Variants in CSNK2A2IP observed in about 807,000 individuals in gnomAD.
CSNK2A2IP encodes the protein casein kinase 2 subunit alpha' interacting protein, also known as casein kinase II subunit alpha'-interacting protein.
chr3:88,423,557 T>G, the CSNK2A2IP span, among the ~76,000 whole-genome samples: 1 of 152,074 alleles, frequency 6.6e-6, no homozygotes, highest in Admixed American at 6.6e-5. Context: ...CCTTGTAGCA[T>G]GGAAAAAGCC....
chr3:88,383,478 A>C, the CSNK2A2IP span, among the ~76,000 whole-genome samples: 1 of 152,144 alleles, frequency 6.6e-6, no homozygotes, highest in African/African-American at 2.4e-5. Context: ...GTGCAGAGTC[A>C]AGTCTTCATT....
At chr3:88,435,934 T>C in the CSNK2A2IP span, among the ~76,000 whole-genome samples, 1 of 98,608 alleles carries the variant, frequency 1.0e-5, no homozygotes, top group South Asian at 2.9e-4. Context: ...ACATTATGTG[T>C]GCATTATATA....
At chr3:88,427,239 A>T in the CSNK2A2IP span, among the ~76,000 whole-genome samples, 10 of 152,342 alleles carry the variant, frequency 6.6e-5, no homozygotes, top group African/African-American at 2.4e-4. Context: ...CCCTTGCCCT[A>T]GAGATCTGTG....
chr3:88,354,935 A>G, the CSNK2A2IP span, among the ~76,000 whole-genome samples: 1 of 152,184 alleles, frequency 6.6e-6, no homozygotes, highest in African/African-American at 2.4e-5. Flanking sequence ...GGGCTACTAC[A>G]TAAAGCAAAG....
At chr3:88,414,500 C>G in the CSNK2A2IP span, among the ~76,000 whole-genome samples, 1 of 151,732 alleles carries the variant, frequency 6.6e-6, no homozygotes, top group Non-Finnish European at 1.5e-5. Context: ...CCAGGCTGCT[C>G]TCGATCTCCT....
the CSNK2A2IP span, among the ~76,000 whole-genome samples, chr3:88,462,260 A>G: frequency 1.4e-4 from 21 of 152,178 alleles, no homozygotes; most frequent in East Asian, 3.1e-3. Context: ...GCTCTGTTTA[A>G]GAAATCTTTG....
chr3:88,381,110 G>C, the CSNK2A2IP span, among the ~76,000 whole-genome samples: 2 of 152,190 alleles, frequency 1.3e-5, no homozygotes, highest in African/African-American at 4.8e-5. Flanking sequence ...TCAGTGGCTT[G>C]CACTTATGCC....
the CSNK2A2IP span, among the ~76,000 whole-genome samples, chr3:88,418,180 T>C: frequency 4.4e-4 from 67 of 152,270 alleles, no homozygotes; most frequent in African/African-American, 1.5e-3. Context: ...AATCAGAATT[T>C]ATTGGTAATT....
At chr3:88,365,701 A>G in the CSNK2A2IP span, among the ~76,000 whole-genome samples, 18 of 152,108 alleles carry the variant, frequency 1.2e-4, no homozygotes, top group Non-Finnish European at 2.5e-4. Flanking sequence ...TTCCTTCACC[A>G]GTGATAGAGA....
At chr3:88,449,243 A>T in the CSNK2A2IP span, among the ~76,000 whole-genome samples, 8 of 152,100 alleles carry the variant, frequency 5.3e-5, no homozygotes, top group African/African-American at 1.9e-4. Context: ...TTTTCCTTTT[A>T]TTTACATATA....
the CSNK2A2IP span, among the ~76,000 whole-genome samples, chr3:88,394,055 G>T: frequency 3.3e-5 from 5 of 152,240 alleles, no homozygotes; most frequent in Admixed American, 6.5e-5. Context: ...GAGGGATATG[G>T]TGTTCTCAGT....
the CSNK2A2IP span, among the ~76,000 whole-genome samples, chr3:88,341,142 T>C: frequency 1.3e-5 from 2 of 151,966 alleles, no homozygotes; most frequent in African/African-American, 2.4e-5. Context: ...AATTTATAAG[T>C]ATTTGAAGAC....
the CSNK2A2IP span, among the ~76,000 whole-genome samples, chr3:88,350,396 A>G: frequency 2.6e-5 from 4 of 152,122 alleles, no homozygotes; most frequent in East Asian, 1.9e-4. Flanking sequence ...TGGCTCAACT[A>G]CAAGTATAAT....
At chr3:88,347,589 T>G in the CSNK2A2IP span, among the ~76,000 whole-genome samples, 1 of 152,024 alleles carries the variant, frequency 6.6e-6, no homozygotes, top group African/African-American at 2.4e-5. Context: ...TATGTACACT[T>G]TTCTAGACAT....
chr3:88,399,916 T>G, the CSNK2A2IP span: 2 of 152,022 alleles, frequency 1.3e-5, no homozygotes, highest in African/African-American at 2.4e-5. Flanking sequence ...GGCACAGAAA[T>G]TACAGACAAT....
chr3:88,455,627 C>T, the CSNK2A2IP span, among the ~76,000 whole-genome samples: 1 of 151,712 alleles, frequency 6.6e-6, no homozygotes, highest in East Asian at 1.9e-4. Flanking sequence ...ATGGTTTGCA[C>T]ATATTTTCTC....
the CSNK2A2IP span, among the ~76,000 whole-genome samples, chr3:88,409,981 A>G: frequency 6.6e-6 from 1 of 152,056 alleles, no homozygotes; most frequent in African/African-American, 2.4e-5. Context: ...TCTGTGCCTG[A>G]ATTAGGATCA....
At chr3:88,440,975 G>A in the CSNK2A2IP span, among the ~76,000 whole-genome samples, 1 of 152,150 alleles carries the variant, frequency 6.6e-6, no homozygotes, top group African/African-American at 2.4e-5. Flanking sequence ...TTATTTGCAG[G>A]TGCAAAAGGA....
chr3:88,419,830 A>G, the CSNK2A2IP span, among the ~76,000 whole-genome samples: 1 of 152,198 alleles, frequency 6.6e-6, no homozygotes, highest in Non-Finnish European at 1.5e-5. Context: ...TATAAAACAA[A>G]CATTATAAAA....
Sources: allele counts gnomAD v4.1 joint callset (sites outside exome capture counted in the v4.1 genomes callset), GRCh38; gene constraint gnomAD v4.1.1; transcripts MANE v1.5; gene names NCBI Gene and HGNC (gene_info 2026-07-23, HGNC 2026-07-21).